The following NECAB1 variants were observed in gnomAD, a reference collection of about 807,000 sequenced individuals.
The protein encoded by NECAB1 is N-terminal EF-hand calcium binding protein 1.
NECAB1 carries 29 observed loss-of-function variants against 57.5 expected under a neutral mutation model. The observed-to-expected ratio is 0.50, with a 90% confidence interval of 0.38 to 0.69. NECAB1 has a LOEUF of 0.69. Ranked by LOEUF, NECAB1 falls within the 30% of genes least tolerant of loss-of-function variation. The pLI, the probability that NECAB1 is intolerant of heterozygous loss-of-function variation, is 0.00. For missense variants in NECAB1, 372 were observed against 413.8 expected (o/e 0.90, Z 0.88); for synonymous variants, 142 against 147.7 (o/e 0.96, Z 0.28).
intron 5 of NECAB1, among the ~76,000 whole-genome samples, chr8:90,912,423 C>T (rs892235535): frequency 6.6e-6 from 1 of 152,142 alleles, no homozygotes; most frequent in Non-Finnish European, 1.5e-5. Context: ...AAAGTATCAA[C>T]TTATTTCAAA....
In NECAB1 at chr8:90,895,323, G is replaced by A. The variant is rs138025891; in HGVS notation, c.357+14193G>A. 3.6e-3 allele frequency among the ~76,000 whole-genome samples: 543 copies of A among 152,232 alleles called. 5 individuals are homozygous for A. Among genetic ancestry groups the A allele is most frequent in the African/African-American group, 0.012 (499 of 41,532 alleles). ...CTACCAAAACTATAAATAACTCCAG[G>A]AGCAGAACTCAGTGTCTCTGAATCC... On this transcript the variant is annotated intron_variant, in intron 5 of 12. Transcript: ENST00000417640.
In NECAB1 at chr8:90,868,829, A is replaced by G. The variant is rs535920861; in HGVS notation, c.234-3299A>G. Among the ~76,000 whole-genome samples the G allele has an allele frequency of 2.0e-5, 3 of 152,378 alleles. No individual in the cohort carries two copies. The East Asian group carries it at 5.8e-4, about 29-fold the overall frequency. On this transcript the variant is annotated intron_variant, in intron 3 of 12. Transcript: ENST00000417640. ...GGAATTCAACACTGCAGGAATTTGC[A>G]TAAGTATAGAGGAGCTGAATGTTAA... is the stretch of plus-strand genomic sequence containing the variant.
chr8:90,831,389 C>T (rs751383241), intron 3 of NECAB1, among the ~76,000 whole-genome samples: 19 of 152,126 alleles, frequency 1.2e-4, no homozygotes, highest in Non-Finnish European at 2.1e-4. Flanking sequence ...GATCAAATAA[C>T]TGCTTATTCA....
chr8:90,956,938 A>ATATTG lies in NECAB1; in HGVS notation c.*1426_*1427insTATTG, dbSNP rs1359538997. 1.5e-5 allele frequency: 2 copies of ATATTG among 135,206 alleles called. No homozygotes were observed. The highest frequency in any genetic ancestry group is 5.9e-5 in the African/African-American group (2 of 33,682). 8.4% of individuals were successfully genotyped at this position (135,206 alleles called of 1,614,324 possible). A position where few individuals can be genotyped will look rare whatever the true frequency, so the allele number is the denominator to read the frequency against. ...TAGTAAATTTTGATATATTGTACAT[A>ATATTG]CACACGTGTGTGTGTGTGTGTGTGT... On this transcript the variant is annotated 3_prime_UTR_variant, in exon 13 of 13. Coordinates refer to ENST00000417640, the MANE Select transcript of NECAB1 (RefSeq NM_022351.5).
At chr8:90,807,950 C>G (rs1419023660) in intron 2 of NECAB1, among the ~76,000 whole-genome samples, 3 of 152,126 alleles carry the variant, frequency 2.0e-5, no homozygotes, top group Non-Finnish European at 2.9e-5. Flanking sequence ...CCCATGAGTG[C>G]AAGTTCTGAA....
At chr8:90,872,995 TA>T (rs966513791) in intron 4 of NECAB1, among the ~76,000 whole-genome samples, 37 of 152,038 alleles carry the variant, frequency 2.4e-4, no homozygotes, top group Admixed American at 7.9e-4. Flanking sequence ...ACCAAAACCA[TA>T]AAAAAAGGCC....
At chr8:90,930,517 G>T (rs1810379998) in intron 8 of NECAB1, among the ~76,000 whole-genome samples, 2 of 152,276 alleles carry the variant, frequency 1.3e-5, no homozygotes, top group South Asian at 4.1e-4. Flanking sequence ...AGGCCAACAG[G>T]TTAAGGTATT....
chr8:90,881,665 C>A (rs536297624), intron 5 of NECAB1, among the ~76,000 whole-genome samples: 34 of 152,252 alleles, frequency 2.2e-4, no homozygotes, highest in African/African-American at 8.2e-4. Context: ...CTGAGGCCTC[C>A]CTAGAAACAG....
intron 2 of NECAB1, among the ~76,000 whole-genome samples, chr8:90,811,330 A>AG (rs1811956919): frequency 2.7e-3 from 1 of 370 alleles, no homozygotes; most frequent in African/African-American, 0.011. Flanking sequence ...AAGCATCAAT[A>AG]ATTTCAATGC....
intron 2 of NECAB1, among the ~76,000 whole-genome samples, chr8:90,820,627 T>C (rs2129696532): frequency 1.3e-5 from 2 of 151,780 alleles, no homozygotes; most frequent in Middle Eastern, 3.4e-3. Flanking sequence ...CTAGTTGTTG[T>C]CATGTTTGTG....
At chr8:90,822,117 C>G (rs1812153547) in intron 2 of NECAB1, among the ~76,000 whole-genome samples, 1 of 151,816 alleles carries the variant, frequency 6.6e-6, no homozygotes, top group Admixed American at 6.6e-5. Flanking sequence ...AAATTTATTA[C>G]CATAGGAAAT....
chr8:90,950,869 A>G (rs1810911784), intron 11 of NECAB1, among the ~76,000 whole-genome samples: 1 of 152,140 alleles, frequency 6.6e-6, no homozygotes, highest in South Asian at 2.1e-4. Context: ...TCTACTTTTT[A>G]TCCTCTAAAA....
At chr8:90,887,392 C>T (rs939732565) in intron 5 of NECAB1, among the ~76,000 whole-genome samples, 5 of 152,170 alleles carry the variant, frequency 3.3e-5, no homozygotes, top group Non-Finnish European at 7.3e-5. Flanking sequence ...AGATCATTTT[C>T]CACAAAACCA....
intron 2 of NECAB1, among the ~76,000 whole-genome samples, chr8:90,802,715 A>G (rs749290734): frequency 1.3e-5 from 2 of 152,204 alleles, no homozygotes; most frequent in African/African-American, 2.4e-5. Context: ...GAAGATTATT[A>G]ATCCAAGGAA....
chr8:90,833,278 G>A (rs1812319988), intron 3 of NECAB1, among the ~76,000 whole-genome samples: 1 of 151,852 alleles, frequency 6.6e-6, no homozygotes, highest in African/African-American at 2.4e-5. Context: ...TACTCACAGA[G>A]TTTTACTGTT....
chr8:90,891,781 C>T (rs1416226332), intron 5 of NECAB1, among the ~76,000 whole-genome samples: 1 of 151,906 alleles, frequency 6.6e-6, no homozygotes, highest in Non-Finnish European at 1.5e-5. Context: ...GCAACCTCCA[C>T]CTCCCAGGTT....
At chr8:90,893,849 TA>T (rs994832683) in intron 5 of NECAB1, among the ~76,000 whole-genome samples, 11 of 101,234 alleles carry the variant, frequency 1.1e-4, no homozygotes, top group Non-Finnish European at 1.7e-4. Flanking sequence ...TAAAGAATGC[TA>T]TTTTTTTTTT....
At chr8:90,850,128 A>G (rs1812654898) in intron 3 of NECAB1, among the ~76,000 whole-genome samples, 1 of 152,202 alleles carries the variant, frequency 6.6e-6, no homozygotes, top group Admixed American at 6.5e-5. Context: ...TCAGCAAGGA[A>G]CAGAGAGAGA....
intron 7 of NECAB1, among the ~76,000 whole-genome samples, chr8:90,928,022 C>A (rs1319100258): frequency 6.6e-6 from 1 of 151,932 alleles, no homozygotes; most frequent in Admixed American, 6.6e-5. Flanking sequence ...AAAAAACAGG[C>A]CTGTGGAAGT....
Sources: allele counts gnomAD v4.1 joint callset (sites outside exome capture counted in the v4.1 genomes callset), GRCh38; gene constraint gnomAD v4.1.1; transcripts MANE v1.5; gene names NCBI Gene and HGNC (gene_info 2026-07-23, HGNC 2026-07-21).